Variants in OLA1 observed in about 807,000 individuals in gnomAD.
OLA1 encodes the protein obg-like ATPase 1.
OLA1 carries 14 observed loss-of-function variants against 48.4 expected under a neutral mutation model. That is an observed-to-expected ratio of 0.29 (90% CI 0.19 to 0.45). The LOEUF is 0.45. Among genes scored for constraint, OLA1 ranks in the 20% least tolerant of loss-of-function variants. The pLI is 1.00. For synonymous variants in OLA1, 127 were observed against 150.4 expected (o/e 0.84, Z 1.14); for missense variants, 325 against 467.1 (o/e 0.70, Z 2.80).
intron 2 of OLA1, among the ~76,000 whole-genome samples, chr2:174,245,517 C>A (rs186591533): frequency 6.6e-4 from 100 of 152,364 alleles, no homozygotes; most frequent in African/African-American, 2.4e-3. Context: ...CAAATCCACA[C>A]TGAATCTGCT....
At chr2:174,144,010 A>G (rs1386977045) in intron 4 of OLA1, among the ~76,000 whole-genome samples, 1 of 152,110 alleles carries the variant, frequency 6.6e-6, no homozygotes, top group African/African-American at 2.4e-5. Flanking sequence ...AGGCTAAGGT[A>G]GGAGGACTGC....
At chr2:174,088,226 T>C (rs1006493514) in intron 7 of OLA1, among the ~76,000 whole-genome samples, 1 of 152,232 alleles carries the variant, frequency 6.6e-6, no homozygotes, top group South Asian at 2.1e-4. Context: ...ATGGTATGGA[T>C]GTACCATTAA....
At chr2:174,096,807 G>A (rs1685266383) in intron 7 of OLA1, among the ~76,000 whole-genome samples, 2 of 152,308 alleles carry the variant, frequency 1.3e-5, no homozygotes, top group South Asian at 4.1e-4. Flanking sequence ...AATAGTTACT[G>A]TAGAGTTAAA....
At chr2:174,159,437 C>T (rs1686960876) in intron 4 of OLA1, among the ~76,000 whole-genome samples, 1 of 152,096 alleles carries the variant, frequency 6.6e-6, no homozygotes, top group South Asian at 2.1e-4. Context: ...CACAGCTATT[C>T]ATTCCCCAGT....
In OLA1 at chr2:174,146,070, T is replaced by C. The variant is rs1303169076; in HGVS notation, c.374-4070A>G. ...TCTGAGGGAAGAGGGTTCTTCTAAG[T>C]ATAAAAGCCTAAAAATAGCAATAAA... is the stretch of plus-strand genomic sequence containing the variant. On this transcript the variant is annotated intron_variant, in intron 4 of 10. Transcript: ENST00000284719. Among the ~76,000 whole-genome samples the C allele has an allele frequency of 3.9e-5, 6 of 152,136 alleles. No homozygotes were observed. In the East Asian group the frequency reaches 1.2e-3, roughly 29 times the overall value.
In OLA1 at chr2:174,129,457, CAATAAATA is replaced by C. The variant is rs199979448; in HGVS notation, c.550-5790_550-5783del. ...TGGGCAACACAGCGAGACTCCGTCT[CAATAAATA>C]AATAAATAAATAAATAAATAAATAA... On this transcript the variant is annotated intron_variant, in intron 5 of 10. Transcript: ENST00000284719. 8.0e-3 allele frequency among the ~76,000 whole-genome samples: 1,132 copies of C among 140,694 alleles called. 10 individuals are homozygous for C. Among genetic ancestry groups the C allele is most frequent in the Middle Eastern group, 0.058 (16 of 278 alleles). The allele number at this position is 140,694 out of a possible 152,430, so 92.3% of individuals were successfully genotyped here.
In OLA1 at chr2:174,151,357, AT is replaced by A. The variant is rs149506127; in HGVS notation, c.374-9358del. Among the ~76,000 whole-genome samples the A allele has an allele frequency of 8.3e-3, 1,265 of 152,320 alleles. 20 individuals are homozygous for A. Among genetic ancestry groups the A allele is most frequent in the African/African-American group, 0.029 (1,201 of 41,566 alleles). ...AAATGCAAACTTCAGAAAAAGAGAA[AT>A]AAAATTATTACACAAATATATGGTC... On this transcript the variant is annotated intron_variant, in intron 4 of 10. Coordinates refer to ENST00000284719, the MANE Select transcript of OLA1 (RefSeq NM_013341.5).
At chr2:174,106,528 T>A (rs944341889) in intron 7 of OLA1, among the ~76,000 whole-genome samples, 1 of 152,174 alleles carries the variant, frequency 6.6e-6, no homozygotes, top group Non-Finnish European at 1.5e-5. Flanking sequence ...CAAACAAGTC[T>A]TTTGAAATGC....
chr2:174,168,589 T>A (rs191499323), intron 4 of OLA1, among the ~76,000 whole-genome samples: 1 of 152,172 alleles, frequency 6.6e-6, no homozygotes, highest in African/African-American at 2.4e-5. Flanking sequence ...TAAGTGTCTA[T>A]TAAAACTACC....
At chr2:174,090,666 C>T (rs141305466) in intron 7 of OLA1, among the ~76,000 whole-genome samples, 3 of 152,198 alleles carry the variant, frequency 2.0e-5, no homozygotes, top group African/African-American at 7.2e-5. Context: ...ATTTTGTGAC[C>T]GTAAGAAGGG....
intron 4 of OLA1, among the ~76,000 whole-genome samples, chr2:174,181,030 G>A (rs756667459): frequency 2.0e-5 from 3 of 152,120 alleles, no homozygotes; most frequent in Non-Finnish European, 4.4e-5. Flanking sequence ...GTACAAGGAG[G>A]CTGGTAGCAT....
At chr2:174,242,569 G>C (rs1330254790) in intron 2 of OLA1, among the ~76,000 whole-genome samples, 1 of 152,140 alleles carries the variant, frequency 6.6e-6, no homozygotes, top group Non-Finnish European at 1.5e-5. Flanking sequence ...AGGAGCATGG[G>C]TTCCTGAGGA....
chr2:174,237,621 G>A (rs544233729), intron 2 of OLA1, among the ~76,000 whole-genome samples: 25 of 152,202 alleles, frequency 1.6e-4, no homozygotes, highest in South Asian at 4.1e-4. Flanking sequence ...GTGGGGTGGC[G>A]TGTGCCTGTA....
intron 4 of OLA1, among the ~76,000 whole-genome samples, chr2:174,166,122 TAAAA>T (rs56760276): frequency 1.4e-5 from 2 of 143,516 alleles, no homozygotes; most frequent in Admixed American, 6.9e-5. Context: ...GAGACTCCAT[TAAAA>T]AAAAAAAAAA....
At chr2:174,144,948 AAAAATATATATATAT>A (rs1232872810) in intron 4 of OLA1, among the ~76,000 whole-genome samples, 5 of 75,438 alleles carry the variant, frequency 6.6e-5, no homozygotes, top group East Asian at 5.9e-4. Flanking sequence ...AAAAAAAAAA[AAAAATATATATATAT>A]ATATATATAT....
At position 174,225,077 on chromosome 2, in the gene OLA1, C is replaced by T. The variant is rs779114394; in HGVS notation, c.246-1917G>A. 1.0e-3 allele frequency among the ~76,000 whole-genome samples: 155 copies of T among 152,202 alleles called. 1 individual carries two copies. Among genetic ancestry groups the T allele is most frequent in the Admixed American group, 9.2e-4 (14 of 15,290 alleles). ...GGCCTGGTGGGAGGCGTTTGGGTCA[C>T]GGGGTGGATCCCTCATGAATGGCTT... is the stretch of plus-strand genomic sequence containing the variant. On this transcript the variant is annotated intron_variant, in intron 3 of 10. Coordinates refer to ENST00000284719, the MANE Select transcript of OLA1 (RefSeq NM_013341.5).
chr2:174,136,207 ATCAACTCTTCC>A (rs1365768862), intron 5 of OLA1, among the ~76,000 whole-genome samples: 4 of 152,162 alleles, frequency 2.6e-5, no homozygotes, highest in African/African-American at 9.7e-5. Flanking sequence ...TGCCATATCA[ATCAACTCTTCC>A]TTTCACAAAA....
At chr2:174,141,720 T>C in intron 5 of OLA1, 105 bp downstream of exon 5, 1 of 928,344 alleles carries the variant, frequency 1.1e-6, no homozygotes, top group Non-Finnish European at 1.6e-6. Flanking sequence ...CCTTGGCTTC[T>C]AAAATTCCAT....
intron 5 of OLA1, among the ~76,000 whole-genome samples, chr2:174,140,521 C>G (rs1330793040): frequency 6.6e-6 from 1 of 152,036 alleles, no homozygotes; most frequent in African/African-American, 2.4e-5. Flanking sequence ...GCGTGCACCA[C>G]CACGCCTGGC....
Sources: allele counts gnomAD v4.1 joint callset (sites outside exome capture counted in the v4.1 genomes callset), GRCh38; gene constraint gnomAD v4.1.1; transcripts MANE v1.5; gene names NCBI Gene and HGNC (gene_info 2026-07-23, HGNC 2026-07-21).